The following LARP1B variants were observed in gnomAD, a reference collection of about 807,000 sequenced individuals.
LARP1B encodes la-related protein 1B.
In LARP1B, 76 loss-of-function variants were observed where a neutral mutation model predicts 114.2. The observed-to-expected ratio is 0.67, with a 90% CI of 0.55 to 0.81. LARP1B has a LOEUF of 0.81. Among genes scored for constraint, LARP1B ranks in the 30% least tolerant of loss-of-function variants. LARP1B has a pLI of 0.00. For synonymous variants in LARP1B, 345 were observed against 348.0 expected, an observed-to-expected ratio of 0.99 and a Z score of 0.10; for missense variants, 1,014 against 1,075.8, an observed-to-expected ratio of 0.94 and a Z score of 0.80.
At chr4:128,120,899 C>A (rs1787720790) in intron 10 of LARP1B, among the ~76,000 whole-genome samples, 1 of 149,758 alleles carries the variant, frequency 6.7e-6, no homozygotes, top group African/African-American at 2.5e-5. Flanking sequence ...CAACCTCTGG[C>A]TCCCAGGTTC....
intron 1 of LARP1B, among the ~76,000 whole-genome samples, chr4:128,066,376 C>T (rs1344114158): frequency 1.3e-5 from 2 of 151,532 alleles, no homozygotes; most frequent in Non-Finnish European, 2.9e-5. Flanking sequence ...GACGGGATTT[C>T]ACCATCTTAG....
intron 7 of LARP1B, 148 bp from the exon 8 acceptor site, chr4:128,098,038 C>T: frequency 3.7e-6 from 2 of 547,070 alleles, no homozygotes; most frequent in South Asian, 3.0e-5. Context: ...TATGTTTACC[C>T]TATCTGTGTT....
At chr4:128,212,800 G>A (rs1163542859), downstream of LARP1B, among the ~76,000 whole-genome samples, 1 of 151,810 alleles carries the variant, frequency 6.6e-6, no homozygotes, top group South Asian at 2.1e-4. Flanking sequence ...CTCTAGGAAG[G>A]TTGCACAGTT....
At position 128,155,456 on chromosome 4, in the gene LARP1B, G is replaced by GC. The variant is rs564565671; in HGVS notation, c.1525-6732dup. The stretch of plus-strand genomic sequence containing the variant: ...GGCGTGGGTATGGCGACCCCGCGCA[G>GC]CCCCCCGGCCGCAGTGCAGGCAGCC... On this transcript the variant is annotated intron_variant, in intron 11 of 19. Coordinates refer to ENST00000326639, the MANE Select transcript of LARP1B (RefSeq NM_018078.4). 628 of 743,374 alleles carry GC rather than the reference G, an allele frequency of 8.4e-4. 4 individuals are homozygous for GC. In the African/African-American group the frequency reaches 9.5e-3, roughly 11 times the overall value. 46.0% of individuals were successfully genotyped at this position (743,374 alleles called of 1,614,324 possible).
At chr4:128,141,780 G>A (rs146497709) in intron 11 of LARP1B, among the ~76,000 whole-genome samples, 52 of 152,222 alleles carry the variant, frequency 3.4e-4, no homozygotes, top group African/African-American at 1.3e-3. Flanking sequence ...TACCTCTAGT[G>A]GCTTTCTTCT....
intron 17 of LARP1B, among the ~76,000 whole-genome samples, chr4:128,206,184 C>CGGGA (rs1285358317): frequency 6.6e-6 from 1 of 151,972 alleles, no homozygotes; most frequent in African/African-American, 2.4e-5. Context: ...CCCAGCTACT[C>CGGGA]GGGAGGCTGA....
Position 128,107,627 on chromosome 4 carries a change from T to C in LARP1B, c.988+314T>C, listed in dbSNP as rs190948119. The C allele has an allele frequency of 3.7e-4, 521 of 1,406,314 alleles. 1 individual carries two copies. Among genetic ancestry groups the C allele is most frequent in the Admixed American group, 5.5e-4 (17 of 31,158 alleles). The allele number at this position is 1,406,314 out of a possible 1,614,324, so 87.1% of individuals were successfully genotyped here. A position where few individuals can be genotyped will look rare whatever the true frequency, so the allele number is the denominator to read the frequency against. On this transcript the variant is annotated intron_variant, in intron 9 of 19. Coordinates refer to ENST00000326639, the MANE Select transcript of LARP1B (RefSeq NM_018078.4). ...ATATGTATCGTTTTCCCCTGTAAAA[T>C]TGGAATAGTATGATTGGATTATTCT...
chr4:128,103,270 T>C (rs1303824963), intron 8 of LARP1B, among the ~76,000 whole-genome samples: 2 of 152,206 alleles, frequency 1.3e-5, no homozygotes, highest in Admixed American at 6.5e-5. Flanking sequence ...TGTTTCACTT[T>C]ATGTGTTCTT....
intron 1 of LARP1B, chr4:128,062,347 C>A (rs1760497627): frequency 1.1e-6 from 1 of 873,564 alleles, no homozygotes. Flanking sequence ...CCCTGTCAGT[C>A]GGAGGTAATT....
intron 12 of LARP1B, among the ~76,000 whole-genome samples, chr4:128,172,578 AGG>A (rs1461574557): frequency 1.2e-4 from 18 of 151,978 alleles, no homozygotes; most frequent in Admixed American, 7.2e-4. Flanking sequence ...CTATAATCCA[AGG>A]TACTTGGGAG....
intron 7 of LARP1B, among the ~76,000 whole-genome samples, chr4:128,093,456 C>T (rs1042281088): frequency 2.0e-5 from 3 of 151,854 alleles, no homozygotes; most frequent in African/African-American, 4.8e-5. Context: ...ATTAGCCGGG[C>T]GCGGTGGCGG....
chr4:128,163,909 C>A (rs934748355), intron 12 of LARP1B, among the ~76,000 whole-genome samples: 3 of 152,098 alleles, frequency 2.0e-5, no homozygotes, highest in African/African-American at 7.2e-5. Context: ...GTTGAGCCCC[C>A]ACCAAGGTTG....
intron 11 of LARP1B, among the ~76,000 whole-genome samples, chr4:128,161,878 A>T (rs1738672462): frequency 1.3e-5 from 2 of 152,178 alleles, no homozygotes; most frequent in Admixed American, 1.3e-4. Flanking sequence ...AACATGTATT[A>T]GATTACTTTG....
rs1755634109 is a variant in LARP1B, at chr4:128,200,599, A to G, written c.2243A>G (p.His748Arg). ...TTCTGGTCCTTTTTCCTCAGAGATC[A>G]CTTCAATAAAAAAATGTATGAGGAA... ...FRFWSFFLRDHFNKKMYEEFR... is the reference protein window; with the variant it reads ...FRFWSFFLRDRFNKKMYEEFR... The change falls in exon 17 of 20, where the codon CAC (histidine) becomes CGC (arginine). Residue 748 changes from histidine to arginine, a missense_variant. By Grantham distance (29) the His-to-Arg change is conservative. Transcript: ENST00000326639. 4.4e-6 allele frequency: 7 copies of G among 1,595,946 alleles called. No individual in the cohort carries two copies. Among genetic ancestry groups the G allele is most frequent in the African/African-American group, 2.7e-5 (2 of 74,218 alleles).
chr4:128,183,871 A>G (rs1312943081), intron 15 of LARP1B, among the ~76,000 whole-genome samples: 2 of 152,198 alleles, frequency 1.3e-5, no homozygotes, highest in Non-Finnish European at 2.9e-5. Context: ...TTCTACCCTC[A>G]TGGATGACTT....
At chr4:128,175,750 A>G (rs1745594351) in intron 12 of LARP1B, among the ~76,000 whole-genome samples, 1 of 152,126 alleles carries the variant, frequency 6.6e-6, no homozygotes, top group Non-Finnish European at 1.5e-5. Flanking sequence ...CGTTGTTTTC[A>G]GTGGTCAAAT....
intron 18 of LARP1B, 41 bp from the exon 19 acceptor site, chr4:128,207,215 A>G (rs756136128): frequency 1.8e-5 from 18 of 973,414 alleles, no homozygotes; most frequent in Non-Finnish European, 2.5e-5. Context: ...AATTTTTAAA[A>G]TTTCATATAA....
At chr4:128,153,292 C>CATTTATTTATTT (rs36202530) in intron 11 of LARP1B, among the ~76,000 whole-genome samples, 19 of 140,892 alleles carry the variant, frequency 1.3e-4, no homozygotes, top group African/African-American at 2.1e-4. Flanking sequence ...CTTGGTTTGC[C>CATTTATTTATTT]ATTTATTTAT....
Position 128,121,941 on chromosome 4 carries a change from A to T in LARP1B, c.1277A>T (p.Asn426Ile). The T allele has an allele frequency of 6.2e-7, 1 of 1,612,880 alleles. No homozygotes were observed. Among genetic ancestry groups the T allele is most frequent in the Non-Finnish European group, 8.5e-7 (1 of 1,179,958 alleles). The change falls in exon 11 of 20, where the codon AAC becomes ATC. Residue 426 changes from asparagine (N) to isoleucine (I), a missense_variant. Asn to Ile is a moderately radical substitution (Grantham distance 149, BLOSUM62 -3). Coordinates refer to ENST00000326639, the MANE Select transcript of LARP1B (RefSeq NM_018078.4). ...DEEIEQIGRK[N>I]TFTDWSDNDS... ...GAGATTGAACAAATAGGACGAAAAA[A>T]CACATTTACTGATTGGTCTGATAAT...
Sources: allele counts gnomAD v4.1 joint callset (sites outside exome capture counted in the v4.1 genomes callset), GRCh38; gene constraint gnomAD v4.1.1; transcripts MANE v1.5; gene names NCBI Gene and HGNC (gene_info 2026-07-23, HGNC 2026-07-21).